Variants in SULT6B1 observed in about 807,000 individuals in gnomAD.
SULT6B1 encodes sulfotransferase family 6B member 1.
A neutral mutation model predicts 37.2 loss-of-function variants in SULT6B1; 44 were observed. That is an observed-to-expected ratio of 1.18 (90% CI 0.93 to 1.52). The LOEUF is 1.52. Ranked by LOEUF, SULT6B1 falls within the 40% of genes most tolerant of loss-of-function variation. The pLI is 0.00. For synonymous variants in SULT6B1, 140 were observed against 126.0 expected, an observed-to-expected ratio of 1.11 and a Z score of -0.74; for missense variants, 450 against 361.0, an observed-to-expected ratio of 1.25 and a Z score of -2.00.
At chr2:37,181,434 T>G (rs1277705517) in intron 3 of SULT6B1, among the ~76,000 whole-genome samples, 1 of 152,132 alleles carries the variant, frequency 6.6e-6, no homozygotes, top group Non-Finnish European at 1.5e-5. Flanking sequence ...CAGGCTAGAG[T>G]GCAGTGGCGC....
chr2:37,193,432 A>G (rs1676821814), upstream of SULT6B1, among the ~76,000 whole-genome samples: 1 of 151,982 alleles, frequency 6.6e-6, no homozygotes, highest in Admixed American at 6.6e-5. Context: ...ACTGCACTCC[A>G]GCCCGGGTGA....
At chr2:37,187,284 A>G in intron 2 of SULT6B1, 71 bp downstream of exon 2, 2 of 1,057,456 alleles carry the variant, frequency 1.9e-6, no homozygotes, top group Non-Finnish European at 2.9e-6. Flanking sequence ...ACTGAAAACT[A>G]AAGAATCTCC....
rs367567180 is a variant in SULT6B1 at position 37,167,995 on chromosome 2, C to T, written c.852G>A (p.Glu284=). 2 of 1,601,812 alleles carry T rather than the reference C, an allele frequency of 1.2e-6. No individual in the cohort carries two copies. Among genetic ancestry groups the T allele is most frequent in the South Asian group, 2.3e-5 (2 of 88,342 alleles). The change falls in exon 7 of 7, where the codon GAG becomes GAA. Residue 284 remains glutamate, a synonymous_variant. Coordinates refer to ENST00000535679, the MANE Select transcript of SULT6B1 (RefSeq NM_001367551.1). ...QNQEMDEKFK[E]CLAGTSLGAK... ...CTCCGAGGGAGGTGCCTGCTAAGCA[C>T]TCTTTGAATTTTTCATCCATTTCCT...
chr2:37,176,834 A>G (rs1676442456), intron 4 of SULT6B1, among the ~76,000 whole-genome samples: 1 of 152,162 alleles, frequency 6.6e-6, no homozygotes, highest in South Asian at 2.1e-4. Flanking sequence ...CCAGTGAGAC[A>G]CAAACAAGAG....
At chr2:37,182,279 G>A (rs11885277) in intron 3 of SULT6B1, among the ~76,000 whole-genome samples, 44,162 of 148,640 alleles carry the variant, frequency 0.3, 7,565 homozygotes, top group East Asian at 0.79. Flanking sequence ...TTTGAGACAA[G>A]GTCTCGCTCT....
At chr2:37,169,880 C>T (rs1357686257) in intron 6 of SULT6B1, among the ~76,000 whole-genome samples, 2 of 152,112 alleles carry the variant, frequency 1.3e-5, no homozygotes, top group Non-Finnish European at 2.9e-5. Context: ...TGTTGTTGTC[C>T]TTGCTGGTAT....
rs1395528095 is a variant in SULT6B1, at chr2:37,187,376, A to G, written c.291T>C (p.Cys97=). The change falls in exon 2 of 7, where the codon TGT becomes TGC. Residue 97 remains cysteine (C), a synonymous_variant. Coordinates refer to ENST00000535679, the MANE Select transcript of SULT6B1 (RefSeq NM_001367551.1). ...TAACCTGATATTTTTCTGAATCCCCACATTCAAGAACTGGGAATTCTGGAT... is the reference window on the plus strand; with the variant it reads ...TAACCTGATATTTTTCTGAATCCCCGCATTCAAGAACTGGGAATTCTGGAT... ...YKYPEFPVLE[C]GDSEKYQRMK... The G allele has an allele frequency of 6.2e-7, 1 of 1,601,522 alleles. No individual in the cohort carries two copies. Among genetic ancestry groups the G allele is most frequent in the Non-Finnish European group, 8.5e-7 (1 of 1,170,400 alleles).
At chr2:37,183,377 T>A in intron 3 of SULT6B1, 48 bp downstream of exon 3, 2 of 1,449,490 alleles carry the variant, frequency 1.4e-6, no homozygotes, top group Non-Finnish European at 1.9e-6. Context: ...AAAACTAATA[T>A]CTATACATAG....
chr2:37,179,659 T>G, intron 3 of SULT6B1, 75 bp from the exon 4 acceptor site: 1 of 1,319,402 alleles, frequency 7.6e-7, no homozygotes, highest in Non-Finnish European at 1.1e-6. Context: ...GTGAGCAATA[T>G]CATCATGTCC....
upstream of SULT6B1, among the ~76,000 whole-genome samples, chr2:37,189,696 C>T (rs989488151): frequency 6.6e-6 from 1 of 152,152 alleles, no homozygotes. Flanking sequence ...TCTCTTAATG[C>T]GTGTGCGGGG....
intron 3 of SULT6B1, among the ~76,000 whole-genome samples, chr2:37,180,694 G>C (rs10865121): frequency 0.27 from 41,445 of 151,926 alleles, 6,732 homozygotes; most frequent in East Asian, 0.78. Context: ...GACCAGCCTG[G>C]CCAACATGGG....
intron 2 of SULT6B1, 94 bp from the exon 3 acceptor site, chr2:37,183,608 T>C (rs934661358): frequency 2.3e-6 from 2 of 882,210 alleles, no homozygotes; most frequent in East Asian, 2.5e-5. Flanking sequence ...TAAGTGATAG[T>C]TTCTAGCACT....
intron 1 of SULT6B1, among the ~76,000 whole-genome samples, chr2:37,193,673 A>AAGAAGG (rs1676834713): frequency 6.6e-6 from 1 of 151,888 alleles, no homozygotes; most frequent in South Asian, 2.1e-4. Context: ...GAAGAAGGAG[A>AAGAAGG]AGAAGGAGAA....
intron 4 of SULT6B1, among the ~76,000 whole-genome samples, chr2:37,178,859 T>C (rs910999816): frequency 6.6e-6 from 1 of 152,264 alleles, no homozygotes; most frequent in Non-Finnish European, 1.5e-5. Flanking sequence ...GAAATGGTTT[T>C]CTACATCACT....
At chr2:37,171,302 G>A (rs1676291902) in intron 6 of SULT6B1, 132 bp downstream of exon 6, 3 of 1,042,808 alleles carry the variant, frequency 2.9e-6, no homozygotes, top group Admixed American at 2.7e-5. Context: ...TGGAGAGCCT[G>A]TGTCCAGACC....
chr2:37,190,042 G>A (rs1044986397), upstream of SULT6B1: 3 of 152,180 alleles, frequency 2.0e-5, no homozygotes, highest in Admixed American at 1.3e-4. Context: ...AACAGGCCTC[G>A]TTCTGACCTG....
chr2:37,187,528 T>C (rs1676700800), intron 1 of SULT6B1, 61 bp from the exon 2 acceptor site: 1 of 966,124 alleles, frequency 1.0e-6, no homozygotes, highest in South Asian at 1.7e-5. Flanking sequence ...AAAAGGACGT[T>C]ACTTTAGCAT....
At chr2:37,174,114 C>T (rs1466470584) in intron 5 of SULT6B1, among the ~76,000 whole-genome samples, 2 of 152,050 alleles carry the variant, frequency 1.3e-5, no homozygotes, top group Non-Finnish European at 2.9e-5. Context: ...CCAGTTGATT[C>T]CCTCTGCCAG....
intron 3 of SULT6B1, among the ~76,000 whole-genome samples, chr2:37,182,253 ATTT>A (rs56665951): frequency 0.3 from 40,892 of 137,426 alleles, 6,512 homozygotes; most frequent in East Asian, 0.78. Flanking sequence ...CAGAAGTTAA[ATTT>A]TTTTTTTTTT....
Sources: allele counts gnomAD v4.1 joint callset (sites outside exome capture counted in the v4.1 genomes callset), GRCh38; gene constraint gnomAD v4.1.1; transcripts MANE v1.5; gene names NCBI Gene and HGNC (gene_info 2026-07-23, HGNC 2026-07-21).